ATP10A: variants seen among roughly 807,000 people sequenced by gnomAD.
ATP10A encodes the protein ATPase phospholipid transporting 10A (putative).
ATP10A carries 111 observed loss-of-function variants against 147.8 expected under a neutral mutation model. The ratio of observed to expected loss-of-function variants is 0.75; its 90% CI spans 0.64 to 0.88. ATP10A has a LOEUF of 0.88. Ranked by LOEUF, ATP10A falls within the 40% of genes least tolerant of loss-of-function variation. The pLI is 0.00. For missense variants in ATP10A, 1,927 were observed against 1,959.0 expected (o/e 0.98, Z 0.31); for synonymous variants, 875 against 841.6 (o/e 1.04, Z -0.69).
At chr15:25,769,512 A>C (rs1171007562) in intron 2 of ATP10A, among the ~76,000 whole-genome samples, 1 of 140,510 alleles carries the variant, frequency 7.1e-6, no homozygotes, top group Admixed American at 7.2e-5. Context: ...AAAAAAAAAA[A>C]AGACATGCAT....
At chr15:25,718,103 G>A in intron 8 of ATP10A, 79 bp downstream of exon 8, 3 of 1,440,048 alleles carry the variant, frequency 2.1e-6, no homozygotes, top group Non-Finnish European at 2.9e-6. Context: ...ATTAAATATA[G>A]ACACCTTCCA....
intron 2 of ATP10A, among the ~76,000 whole-genome samples, chr15:25,739,047 C>T (rs574588791): frequency 6.6e-6 from 1 of 152,056 alleles, no homozygotes; most frequent in Admixed American, 6.6e-5. Context: ...TCTATAGAAA[C>T]GTCCCCCAAA....
intron 1 of ATP10A, among the ~76,000 whole-genome samples, chr15:25,821,239 G>A (rs1891866323): frequency 6.6e-6 from 1 of 151,960 alleles, no homozygotes; most frequent in Non-Finnish European, 1.5e-5. Context: ...TACAAAAAAA[G>A]TTACCTGGGT....
chr15:25,697,077 G>C (rs115564977), intron 13 of ATP10A, among the ~76,000 whole-genome samples: 1 of 152,188 alleles, frequency 6.6e-6, no homozygotes, highest in Non-Finnish European at 1.5e-5. Flanking sequence ...AACCAGAGGC[G>C]CTGGAAAAAT....
intron 1 of ATP10A, among the ~76,000 whole-genome samples, chr15:25,860,391 C>A (rs1893708723): frequency 6.6e-6 from 1 of 152,174 alleles, no homozygotes; most frequent in Non-Finnish European, 1.5e-5. Flanking sequence ...GGTAGACATG[C>A]CCTATGGTGC....
intron 7 of ATP10A, among the ~76,000 whole-genome samples, chr15:25,719,994 G>A (rs755945932): frequency 6.6e-5 from 10 of 152,092 alleles, no homozygotes; most frequent in Non-Finnish European, 1.3e-4. Flanking sequence ...TCTAAAACAC[G>A]CTGCTGAGAT....
At chr15:25,754,459 A>G (rs4906632) in intron 2 of ATP10A, among the ~76,000 whole-genome samples, 68,615 of 152,056 alleles carry the variant, frequency 0.45, 16,283 homozygotes, top group South Asian at 0.53. Context: ...AGCAGTTGCC[A>G]TAAGTGGTTA....
At chr15:25,747,506 T>G (rs1218429689) in intron 2 of ATP10A, among the ~76,000 whole-genome samples, 1 of 150,318 alleles carries the variant, frequency 6.7e-6, no homozygotes, top group Non-Finnish European at 1.5e-5. Flanking sequence ...AAAAGACAAA[T>G]CTAGGAAAAA....
intron 1 of ATP10A, among the ~76,000 whole-genome samples, chr15:25,810,737 T>G (rs1479717520): frequency 6.6e-6 from 1 of 151,838 alleles, no homozygotes; most frequent in African/African-American, 2.4e-5. Flanking sequence ...GTTCTAAAAG[T>G]AAAAGCCTCC....
chr15:25,761,170 G>A, intron 2 of ATP10A, among the ~76,000 whole-genome samples: 1 of 152,008 alleles, frequency 6.6e-6, no homozygotes, highest in Admixed American at 6.6e-5. Flanking sequence ...AAAAAAGTCA[G>A]ACGAAAAAAG....
intron 2 of ATP10A, among the ~76,000 whole-genome samples, chr15:25,739,186 C>T (rs1887447526): frequency 6.6e-6 from 1 of 152,230 alleles, no homozygotes; most frequent in African/African-American, 2.4e-5. Flanking sequence ...TCTCCTGCCT[C>T]AACCTCCCAA....
Position 25,796,049 on chromosome 15 carries a change from C to T in ATP10A, c.450-14826G>A, listed in dbSNP as rs565582210. Among the ~76,000 whole-genome samples the T allele has an allele frequency of 1.7e-3, 260 of 152,268 alleles. 1 individual carries two copies. The highest frequency in any genetic ancestry group is 2.1e-3 in the Non-Finnish European group (144 of 68,014). On this transcript the variant is annotated intron_variant, in intron 1 of 20. Coordinates refer to ENST00000555815, the MANE Select transcript of ATP10A (RefSeq NM_024490.4). ...ATGCTTCCTGTACAGCCTGCAGAACCGTGAGCCAAATAAATCTCTTTTCTT... is the reference window on the plus strand; with the variant it reads ...ATGCTTCCTGTACAGCCTGCAGAACTGTGAGCCAAATAAATCTCTTTTCTT...
intron 1 of ATP10A, among the ~76,000 whole-genome samples, chr15:25,852,363 G>A (rs1029154235): frequency 1.3e-5 from 2 of 152,204 alleles, no homozygotes; most frequent in Non-Finnish European, 2.9e-5. Context: ...ACACTGGGAT[G>A]AAGAGAAATG....
rs1567361231 is a variant in ATP10A, at chr15:25,758,684, CCACCTGCTCCACCCTAACTCATTCCGAT to C, written c.654+22307_654+22334del. Among the ~76,000 whole-genome samples, 183 of 57,842 alleles carry C rather than the reference CCACCTGCTCCACCCTAACTCATTCCGAT, an allele frequency of 3.2e-3. 1 individual carries two copies. Among genetic ancestry groups the C allele is most frequent in the East Asian group, 4.3e-3 (6 of 1,410 alleles). The allele number at this position is 57,842 out of a possible 152,430, so 37.9% of individuals were successfully genotyped here. ...CCTGCTCCACCCTAACTCATTCCGA[CCACCTGCTCCACCCTAACTCATTCCGAT>C]CACCTGCTCCACCCTCATTCCGACC... is the stretch of plus-strand genomic sequence containing the variant. On this transcript the variant is annotated intron_variant, in intron 2 of 20. Coordinates refer to ENST00000555815, the MANE Select transcript of ATP10A (RefSeq NM_024490.4).
chr15:25,862,835 T>C lies in ATP10A; in HGVS notation c.262A>G (p.Asn88Asp). Residue 88 changes from asparagine to aspartate, a missense_variant, in exon 1 of 21, where the codon AAC becomes GAC. Transcript: ENST00000555815. ...AGCGCGATGAAGACAAAGTACACGT[T>C]GGCCGGGCGGTGGAACTGCTCGAAC... is the stretch of plus-strand genomic sequence containing the variant. The part of the protein sequence containing the change: ...NLFEQFHRPA[N>D]VYFVFIALLN... 2 of 1,610,064 alleles carry C rather than the reference T, an allele frequency of 1.2e-6. No homozygotes were observed. The highest frequency in any genetic ancestry group is 1.7e-6 in the Non-Finnish European group (2 of 1,178,230).
intron 3 of ATP10A, among the ~76,000 whole-genome samples, chr15:25,727,604 G>A (rs753450374): frequency 1.3e-5 from 2 of 152,168 alleles, no homozygotes; most frequent in African/African-American, 4.8e-5. Context: ...GCCTTGCTAC[G>A]TGGTCTCTGT....
At chr15:25,826,912 T>C (rs1281817546) in intron 1 of ATP10A, among the ~76,000 whole-genome samples, 1 of 152,160 alleles carries the variant, frequency 6.6e-6, no homozygotes, top group Non-Finnish European at 1.5e-5. Flanking sequence ...CCTAGTTAGA[T>C]AAACTCAAAA....
At chr15:25,703,498 AC>A (rs1342682228) in intron 12 of ATP10A, among the ~76,000 whole-genome samples, 3 of 152,184 alleles carry the variant, frequency 2.0e-5, no homozygotes, top group Non-Finnish European at 4.4e-5. Flanking sequence ...TTGATCTTGG[AC>A]TTTTAGCCTT....
chr15:25,827,571 A>T (rs1296153544), intron 1 of ATP10A, among the ~76,000 whole-genome samples: 1 of 152,214 alleles, frequency 6.6e-6, no homozygotes, highest in Non-Finnish European at 1.5e-5. Flanking sequence ...AGGTGGTATT[A>T]ATCTGACCTA....
Sources: gnomAD v4.1 joint callset for allele counts (sites outside exome capture counted in the v4.1 genomes callset) on GRCh38, gnomAD v4.1.1 for gene constraint, MANE v1.5 for transcripts, NCBI Gene and HGNC (gene_info 2026-07-23, HGNC 2026-07-21) for gene names.